Variants in LUZP2 observed in about 807,000 individuals in gnomAD.
LUZP2 encodes leucine zipper protein 2.
Under a neutral mutation model 51.6 loss-of-function variants are expected in LUZP2, and 52 were observed. The ratio of observed to expected loss-of-function variants is 1.01; its 90% CI spans 0.81 to 1.27. The LOEUF (loss-of-function observed/expected upper bound fraction) is 1.27, where lower values mean the gene tolerates loss of function less well. Ranked by LOEUF, LUZP2 falls within the 50% of genes most tolerant of loss-of-function variation. The pLI is 0.00. For synonymous variants in LUZP2, 154 were observed against 137.3 expected, an observed-to-expected ratio of 1.12 and a Z score of -0.85; for missense variants, 436 against 395.4, an observed-to-expected ratio of 1.10 and a Z score of -0.87.
chr11:25,049,572 T>C (rs1202068289), intron 9 of LUZP2, among the ~76,000 whole-genome samples: 5 of 152,132 alleles, frequency 3.3e-5, no homozygotes, highest in African/African-American at 1.2e-4. Flanking sequence ...AGTATACATA[T>C]TGGAGTTAAT....
chr11:24,570,250 TG>T (rs1306251798), intron 1 of LUZP2, among the ~76,000 whole-genome samples: 1 of 122,100 alleles, frequency 8.2e-6, no homozygotes, highest in Non-Finnish European at 1.8e-5. Flanking sequence ...GAAAGAGATG[TG>T]TTGATATTTC....
At chr11:24,642,944 C>T (rs1855342126) in intron 1 of LUZP2, among the ~76,000 whole-genome samples, 1 of 151,866 alleles carries the variant, frequency 6.6e-6, no homozygotes, top group African/African-American at 2.4e-5. Context: ...GATTGTTGCC[C>T]TGGAAGATAA....
chr11:24,948,933 T>A (rs1310018400), intron 7 of LUZP2, among the ~76,000 whole-genome samples: 2 of 151,288 alleles, frequency 1.3e-5, no homozygotes, highest in Non-Finnish European at 3.0e-5. Flanking sequence ...ACAGAGCCAA[T>A]AGAAAATATA....
intron 1 of LUZP2, among the ~76,000 whole-genome samples, chr11:24,667,960 C>T (rs1440159983): frequency 6.6e-6 from 1 of 152,158 alleles, no homozygotes; most frequent in East Asian, 1.9e-4. Context: ...TATTAATTCA[C>T]TTTTATAGAA....
In LUZP2 at chr11:24,917,491, C is replaced by T. The variant is rs536875671; in HGVS notation, c.522+2953C>T. Among the ~76,000 whole-genome samples, 8 of 152,106 alleles carry T rather than the reference C, an allele frequency of 5.3e-5. No individual in the cohort carries two copies. In the South Asian group the frequency reaches 1.0e-3, roughly 20 times the overall value. On this transcript the variant is annotated intron_variant, in intron 7 of 11. Coordinates refer to ENST00000336930, the MANE Select transcript of LUZP2 (RefSeq NM_001009909.4). ...AGGTCTAACATGTAAGTCTTTAATC[C>T]ATCTTGAATTAATTTTTGTATAAGG...
At chr11:24,816,004 TTTA>T (rs1037910701) in intron 5 of LUZP2, among the ~76,000 whole-genome samples, 5 of 18,544 alleles carry the variant, frequency 2.7e-4, no homozygotes, top group Admixed American at 1.0e-3. Context: ...TTCTTTTTTT[TTTA>T]AAAAAAAAAA....
chr11:24,922,587 G>A (rs1472808653), intron 7 of LUZP2, among the ~76,000 whole-genome samples: 1 of 152,130 alleles, frequency 6.6e-6, no homozygotes, highest in African/African-American at 2.4e-5. Flanking sequence ...AGTTAAATGA[G>A]GTTTGGTGCC....
intron 7 of LUZP2, among the ~76,000 whole-genome samples, chr11:24,926,520 T>C (rs1195757932): frequency 6.8e-6 from 1 of 146,912 alleles, no homozygotes; most frequent in East Asian, 2.0e-4. Flanking sequence ...TATATACGTG[T>C]ATATATGTGT....
At chr11:25,039,095 TGAGA>T (rs1857956941) in intron 9 of LUZP2, among the ~76,000 whole-genome samples, 1 of 152,156 alleles carries the variant, frequency 6.6e-6, no homozygotes, top group Non-Finnish European at 1.5e-5. Flanking sequence ...TCTTGGGGTT[TGAGA>T]AAGATACCTC....
intron 1 of LUZP2, among the ~76,000 whole-genome samples, chr11:24,520,201 A>G (rs778683900): frequency 1.3e-5 from 2 of 152,112 alleles, no homozygotes; most frequent in African/African-American, 4.8e-5. Flanking sequence ...AAGAAGATGC[A>G]ATGGAATTAT....
At chr11:24,839,873 T>C (rs1237628268) in intron 5 of LUZP2, among the ~76,000 whole-genome samples, 1 of 151,748 alleles carries the variant, frequency 6.6e-6, no homozygotes, top group African/African-American at 2.4e-5. Flanking sequence ...CTCTTGATAT[T>C]GATATGCAGT....
At chr11:24,720,248 A>T (rs1027339983) in intron 1 of LUZP2, among the ~76,000 whole-genome samples, 4 of 152,148 alleles carry the variant, frequency 2.6e-5, no homozygotes, top group Non-Finnish European at 1.5e-5. Context: ...GATAATAGAA[A>T]AAAAAAATAC....
chr11:25,070,028 AC>A (rs1318848186), intron 10 of LUZP2, among the ~76,000 whole-genome samples: 1 of 151,884 alleles, frequency 6.6e-6, no homozygotes, highest in African/African-American at 2.4e-5. Flanking sequence ...GTGTTTGCAT[AC>A]CTATGCAAAC....
intron 5 of LUZP2, among the ~76,000 whole-genome samples, chr11:24,837,737 G>T (rs938792122): frequency 6.6e-6 from 1 of 151,548 alleles, no homozygotes; most frequent in African/African-American, 2.4e-5. Context: ...TATATTTGGG[G>T]TTGCTTTAAG....
At chr11:24,530,721 A>G (rs10767204) in intron 1 of LUZP2, among the ~76,000 whole-genome samples, 27,734 of 134,750 alleles carry the variant, frequency 0.21, 4,622 homozygotes, top group African/African-American at 0.46. Flanking sequence ...ATATTGACAT[A>G]TATCTCAGCA....
chr11:24,764,173 G>T (rs956497946), intron 5 of LUZP2, among the ~76,000 whole-genome samples: 1 of 152,144 alleles, frequency 6.6e-6, no homozygotes, highest in African/African-American at 2.4e-5. Context: ...ATAGGGTAGG[G>T]AGTACATTTA....
At chr11:24,507,474 C>T (rs527817663) in intron 1 of LUZP2, among the ~76,000 whole-genome samples, 7 of 152,046 alleles carry the variant, frequency 4.6e-5, no homozygotes, top group African/African-American at 1.2e-4. Context: ...AATAATTATC[C>T]GCCTCACATA....
At chr11:25,013,731 A>T (rs919228455) in intron 9 of LUZP2, among the ~76,000 whole-genome samples, 1 of 151,990 alleles carries the variant, frequency 6.6e-6, no homozygotes, top group African/African-American at 2.4e-5. Flanking sequence ...AATTACATTA[A>T]CTGTATTTAT....
At chr11:24,892,960 A>G (rs1381550356) in intron 5 of LUZP2, 1 of 151,324 alleles carries the variant, frequency 6.6e-6, no homozygotes, top group Non-Finnish European at 1.5e-5. Flanking sequence ...GTCCCAAAAC[A>G]TTAGGAAAAT....
Sources: gnomAD v4.1 joint callset for allele counts (sites outside exome capture counted in the v4.1 genomes callset) on GRCh38, gnomAD v4.1.1 for gene constraint, MANE v1.5 for transcripts, NCBI Gene and HGNC (gene_info 2026-07-23, HGNC 2026-07-21) for gene names.